FSIP1: variants seen among roughly 807,000 people sequenced by gnomAD.
The protein encoded by FSIP1 is fibrous sheath-interacting protein 1.
In FSIP1, 65 loss-of-function variants were observed where a neutral mutation model predicts 60.9. The ratio of observed to expected loss-of-function variants is 1.07; its 90% CI spans 0.87 to 1.31. The LOEUF is 1.31. Ranked by LOEUF, FSIP1 falls within the 40% of genes most tolerant of loss-of-function variation. The pLI, the probability that FSIP1 is intolerant of heterozygous loss-of-function variation, is 0.00. For missense variants in FSIP1, 675 were observed against 665.5 expected, an observed-to-expected ratio of 1.01 and a Z score of -0.16; for synonymous variants, 209 against 221.2, an observed-to-expected ratio of 0.94 and a Z score of 0.49.
At chr15:39,677,609 G>A (rs1893992894) in intron 10 of FSIP1, among the ~76,000 whole-genome samples, 2 of 152,174 alleles carry the variant, frequency 1.3e-5, no homozygotes, top group South Asian at 2.1e-4. Flanking sequence ...TATACAGGAT[G>A]TTTGTTAGAG....
rs1363442737 is a variant in FSIP1 at position 39,604,444 on chromosome 15, T to C, written c.1700-3518A>G. On this transcript the variant is annotated intron_variant, in intron 11 of 11. Coordinates refer to ENST00000350221, the MANE Select transcript of FSIP1 (RefSeq NM_152597.5). ...AAGCATGCCTTTGTTCATTTTATAC[T>C]GCTAAAATGATAGAGAAAATGATCA... 1.3e-5 allele frequency among the ~76,000 whole-genome samples: 2 copies of C among 152,262 alleles called. 1 individual carries two copies. Among genetic ancestry groups the C allele is most frequent in the South Asian group, 4.1e-4 (2 of 4,830 alleles).
intron 10 of FSIP1, among the ~76,000 whole-genome samples, chr15:39,645,491 G>A (rs1338796703): frequency 6.6e-6 from 1 of 152,136 alleles, no homozygotes; most frequent in Non-Finnish European, 1.5e-5. Context: ...GTGAATCCAA[G>A]CCTCCCTTGT....
intron 10 of FSIP1, among the ~76,000 whole-genome samples, chr15:39,666,722 A>T (rs73393285): frequency 0.021 from 3,133 of 152,304 alleles, 111 homozygotes; most frequent in African/African-American, 0.071. Context: ...GAGTCAATCA[A>T]GTCCAATTTT....
At chr15:39,678,967 A>G (rs2140483065) in intron 10 of FSIP1, among the ~76,000 whole-genome samples, 1 of 152,330 alleles carries the variant, frequency 6.6e-6, no homozygotes, top group African/African-American at 2.4e-5. Context: ...TAATCCAGGG[A>G]AAGTCCCTAC....
chr15:39,662,384 G>C (rs1893331472), intron 10 of FSIP1, among the ~76,000 whole-genome samples: 1 of 152,104 alleles, frequency 6.6e-6, no homozygotes, highest in African/African-American at 2.4e-5. Context: ...CCAGCACCCA[G>C]AAGAGTTCTT....
intron 5 of FSIP1, among the ~76,000 whole-genome samples, chr15:39,754,409 T>A (rs1897247328): frequency 6.6e-6 from 1 of 151,926 alleles, no homozygotes; most frequent in Non-Finnish European, 1.5e-5. Flanking sequence ...GTTTTAGGGG[T>A]AATTTGTTAC....
At chr15:39,716,668 G>A (rs1895749647) in intron 9 of FSIP1, among the ~76,000 whole-genome samples, 1 of 152,040 alleles carries the variant, frequency 6.6e-6, no homozygotes, top group Non-Finnish European at 1.5e-5. Flanking sequence ...ACCACAATGA[G>A]ACACTACTAC....
At chr15:39,738,644 A>C (rs895948295) in intron 7 of FSIP1, among the ~76,000 whole-genome samples, 3 of 152,204 alleles carry the variant, frequency 2.0e-5, no homozygotes, top group Admixed American at 6.5e-5. Flanking sequence ...AAAAAGGGGA[A>C]AGAGAAATCT....
intron 9 of FSIP1, among the ~76,000 whole-genome samples, chr15:39,722,766 A>T (rs899326276): frequency 4.0e-5 from 6 of 149,128 alleles, no homozygotes; most frequent in South Asian, 2.1e-4. Flanking sequence ...CCACACCTCT[A>T]AAAAAAATTA....
At chr15:39,620,234 T>C (rs1218987505) in intron 10 of FSIP1, among the ~76,000 whole-genome samples, 1 of 152,208 alleles carries the variant, frequency 6.6e-6, no homozygotes, top group Middle Eastern at 3.2e-3. Context: ...CAGTCAATGA[T>C]AATATAAATA....
intron 10 of FSIP1, among the ~76,000 whole-genome samples, chr15:39,621,322 T>C (rs1891435250): frequency 6.6e-6 from 1 of 152,184 alleles, no homozygotes; most frequent in African/African-American, 2.4e-5. Context: ...TCATGGTAAA[T>C]TGCTTCTGGG....
At chr15:39,620,043 A>G (rs1891386062) in intron 10 of FSIP1, among the ~76,000 whole-genome samples, 1 of 152,190 alleles carries the variant, frequency 6.6e-6, no homozygotes, top group Non-Finnish European at 1.5e-5. Context: ...AGGAAAATCA[A>G]AGCAATTATG....
At chr15:39,640,718 A>T (rs533564991) in intron 10 of FSIP1, among the ~76,000 whole-genome samples, 1 of 127,842 alleles carries the variant, frequency 7.8e-6, no homozygotes, top group East Asian at 2.7e-4. Flanking sequence ...GTAGAAGAAG[A>T]TTTACAGACA....
chr15:39,725,268 G>A (rs1013196585), intron 9 of FSIP1, among the ~76,000 whole-genome samples: 4 of 152,136 alleles, frequency 2.6e-5, no homozygotes, highest in Non-Finnish European at 4.4e-5. Flanking sequence ...ACACATTTGA[G>A]TGAAGACAAA....
intron 10 of FSIP1, among the ~76,000 whole-genome samples, chr15:39,706,652 A>G (rs1208957236): frequency 6.6e-6 from 1 of 152,230 alleles, no homozygotes; most frequent in African/African-American, 2.4e-5. Context: ...GCACAAGAAT[A>G]ATATAAAAAT....
intron 10 of FSIP1, among the ~76,000 whole-genome samples, chr15:39,695,317 A>G (rs1894772112): frequency 6.6e-6 from 1 of 151,638 alleles, no homozygotes; most frequent in Non-Finnish European, 1.5e-5. Context: ...CGTGGCACCC[A>G]GTACCCAACT....
In FSIP1 at chr15:39,713,583, T is replaced by C. The variant is rs766033957; in HGVS notation, c.1051-2A>G. 1.3e-5 allele frequency: 21 copies of C among 1,574,850 alleles called. No homozygotes were observed. Among genetic ancestry groups the C allele is most frequent in the Admixed American group, 1.0e-4 (5 of 49,076 alleles). ...TCTTTCACCATCACGGTCAGGTTTC[T>C]AATTTAAAGAAAAAAAAAAAACATC... On this transcript the variant is annotated splice_acceptor_variant, in intron 9 of 11. Transcript: ENST00000350221. LOFTEE classifies it high-confidence loss of function.
intron 11 of FSIP1, among the ~76,000 whole-genome samples, chr15:39,609,480 G>A (rs956803928): frequency 2.0e-5 from 3 of 151,694 alleles, no homozygotes; most frequent in African/African-American, 4.8e-5. Context: ...GGAGGCAAGT[G>A]CAGGTCAATG....
intron 10 of FSIP1, among the ~76,000 whole-genome samples, chr15:39,644,648 T>A (rs1274125064): frequency 6.6e-6 from 1 of 152,038 alleles, no homozygotes; most frequent in Admixed American, 6.5e-5. Context: ...CCACCATGGA[T>A]GAGGAGCAGT....
Sources: gnomAD v4.1 joint callset for allele counts (sites outside exome capture counted in the v4.1 genomes callset) on GRCh38, gnomAD v4.1.1 for gene constraint, MANE v1.5 for transcripts, NCBI Gene and HGNC (gene_info 2026-07-23, HGNC 2026-07-21) for gene names.